Variants in NRXN3 observed in about 807,000 individuals in gnomAD.
NRXN3 encodes neurexin 3.
NRXN3 carries 32 observed loss-of-function variants against 137.6 expected under a neutral mutation model. That is an observed-to-expected ratio of 0.23 (90% confidence interval 0.18 to 0.31). The LOEUF (loss-of-function observed/expected upper bound fraction) is 0.31, where lower values mean the gene tolerates loss of function less well. Among genes scored for constraint, NRXN3 ranks in the 10% least tolerant of loss-of-function variants. The probability of loss-of-function intolerance (pLI) is 1.00; values close to 1 mark genes in which losing one functional copy is unlikely to be tolerated. For missense variants in NRXN3, 1,574 were observed against 2,062.5 expected (o/e 0.76, Z 4.59); for synonymous variants, 798 against 784.5 (o/e 1.02, Z -0.29).
At chr14:79,692,634 T>G (rs2154025884) in intron 18 of NRXN3, among the ~76,000 whole-genome samples, 1 of 152,124 alleles carries the variant, frequency 6.6e-6, no homozygotes, top group East Asian at 1.9e-4. Flanking sequence ...AAAAGGGCTT[T>G]TTAAACTTAC....
chr14:79,351,361 A>T (rs150728140), intron 15 of NRXN3, among the ~76,000 whole-genome samples: 3 of 152,198 alleles, frequency 2.0e-5, no homozygotes, highest in African/African-American at 7.2e-5. Flanking sequence ...TTTATCATCT[A>T]TAAATGCCAG....
At chr14:79,646,524 G>A (rs1391420090) in intron 16 of NRXN3, among the ~76,000 whole-genome samples, 8 of 135,734 alleles carry the variant, frequency 5.9e-5, no homozygotes, top group African/African-American at 2.0e-4. Flanking sequence ...TGGTAGTTGC[G>A]AGCTGGTTAT....
At chr14:78,710,041 G>A in intron 7 of NRXN3, 1 of 202,092 alleles carries the variant, frequency 4.9e-6, no homozygotes, top group Non-Finnish European at 1.0e-5. Flanking sequence ...CATCACAGAT[G>A]CTGCATTATG....
chr14:79,792,443 G>C (rs747625413), intron 19 of NRXN3, among the ~76,000 whole-genome samples: 2 of 152,166 alleles, frequency 1.3e-5, no homozygotes, highest in Non-Finnish European at 2.9e-5. Flanking sequence ...CTACTCTGCT[G>C]TATTTAGTTA....
chr14:78,563,653 TC>T (rs1408722917), intron 4 of NRXN3, among the ~76,000 whole-genome samples: 1 of 152,254 alleles, frequency 6.6e-6, no homozygotes, highest in Non-Finnish European at 1.5e-5. Flanking sequence ...ACAGATCTCT[TC>T]CTTTCCTTTT....
At chr14:79,673,930 A>G (rs1357132541) in intron 17 of NRXN3, among the ~76,000 whole-genome samples, 3 of 152,072 alleles carry the variant, frequency 2.0e-5, no homozygotes, top group Non-Finnish European at 4.4e-5. Context: ...AAGCTAGCAC[A>G]TGAATACCTG....
Position 78,243,874 on chromosome 14 carries a change from C to A in NRXN3, c.709+72C>A. The A allele has an allele frequency of 1.7e-6, 2 of 1,142,862 alleles. No homozygotes were observed. The allele number at this position is 1,142,862 out of a possible 1,614,324, so 70.8% of individuals were successfully genotyped here. A position where few individuals can be genotyped will look rare whatever the true frequency, so the allele number is the denominator to read the frequency against. The stretch of plus-strand genomic sequence containing the variant: ...TGAGGCTGGGGCTCCTGATACAAAC[C>A]AGTTCTATATGGATGCATATCTTTA... On this transcript the variant is annotated intron_variant, in intron 2 of 20. Coordinates refer to ENST00000335750, the MANE Select transcript of NRXN3 (RefSeq NM_001330195.2). This position sits in a 1 kb window ranked among gnomAD's most constrained non-coding sequence, Gnocchi z 4.2.
At chr14:79,517,099 C>G (rs963854680) in intron 16 of NRXN3, among the ~76,000 whole-genome samples, 7 of 96,984 alleles carry the variant, frequency 7.2e-5, no homozygotes, top group Middle Eastern at 6.0e-3. Flanking sequence ...ACAGCCCCCC[C>G]CCCCTCAACG....
At chr14:78,727,568 C>T (rs1053435482) in intron 8 of NRXN3, among the ~76,000 whole-genome samples, 1 of 152,104 alleles carries the variant, frequency 6.6e-6, no homozygotes, top group African/African-American at 2.4e-5. Context: ...CATGGGGAAA[C>T]CCCATCTCTC....
At chr14:78,357,744 C>T (rs757973635) in intron 4 of NRXN3, among the ~76,000 whole-genome samples, 32 of 152,134 alleles carry the variant, frequency 2.1e-4, no homozygotes, top group Non-Finnish European at 3.2e-4. Flanking sequence ...AAGGGCTTAA[C>T]ATTGGATTCA....
intron 4 of NRXN3, among the ~76,000 whole-genome samples, chr14:78,462,134 C>G (rs2094938578): frequency 6.6e-6 from 1 of 152,192 alleles, no homozygotes; most frequent in Non-Finnish European, 1.5e-5. Flanking sequence ...CATTTGCTTT[C>G]CTTTTCTAGG....
intron 17 of NRXN3, among the ~76,000 whole-genome samples, chr14:79,668,152 C>T (rs1424064077): frequency 6.6e-6 from 1 of 151,968 alleles, no homozygotes. Context: ...TTTGACCACC[C>T]AACTTAGAAC....
intron 10 of NRXN3, among the ~76,000 whole-genome samples, chr14:78,873,147 T>C (rs1051272081): frequency 1.1e-4 from 17 of 152,224 alleles, no homozygotes; most frequent in Admixed American, 5.2e-4. Flanking sequence ...CCTTGTTTAC[T>C]ACTGGCTTCT....
At chr14:78,810,236 G>A in intron 9 of NRXN3, 82 bp from the exon 10 acceptor site, 1 of 814,886 alleles carries the variant, frequency 1.2e-6, no homozygotes, top group Non-Finnish European at 2.1e-6. Context: ...TCCCCGGAAG[G>A]GTGGACTGAT....
intron 1 of NRXN3, among the ~76,000 whole-genome samples, chr14:78,180,559 G>A (rs1228594980): frequency 6.6e-6 from 1 of 152,216 alleles, no homozygotes; most frequent in Non-Finnish European, 1.5e-5. Flanking sequence ...TGGCCGCAGA[G>A]TTGGTAAATG....
At chr14:78,770,117 T>C (rs1316989494) in intron 8 of NRXN3, among the ~76,000 whole-genome samples, 1 of 152,214 alleles carries the variant, frequency 6.6e-6, no homozygotes, top group East Asian at 1.9e-4. Flanking sequence ...TGATAGGCTT[T>C]GGCATCAGGA....
intron 1 of NRXN3, among the ~76,000 whole-genome samples, chr14:78,213,982 C>A (rs535684055): frequency 2.6e-5 from 4 of 152,192 alleles, no homozygotes; most frequent in Non-Finnish European, 5.9e-5. Context: ...AGTAGCAGAT[C>A]CCTCTTCATT....
chr14:79,085,487 GAGA>G (rs2047925495), intron 15 of NRXN3, among the ~76,000 whole-genome samples: 1 of 152,126 alleles, frequency 6.6e-6, no homozygotes, highest in Non-Finnish European at 1.5e-5. Flanking sequence ...TGTATTACTG[GAGA>G]AGAAATTGAA....
intron 16 of NRXN3, among the ~76,000 whole-genome samples, chr14:79,572,432 A>G (rs1341335819): frequency 1.3e-5 from 2 of 152,168 alleles, no homozygotes; most frequent in Non-Finnish European, 2.9e-5. Flanking sequence ...CATCACTTTC[A>G]TTTTTATAGA....
Sources: gnomAD v4.1 joint callset for allele counts (sites outside exome capture counted in the v4.1 genomes callset) on GRCh38, gnomAD v4.1.1 for gene constraint, Gnocchi (gnomAD v3.1) non-coding constraint, MANE v1.5 for transcripts, NCBI Gene and HGNC (gene_info 2026-07-23, HGNC 2026-07-21) for gene names.